CARMIL3: variants seen among roughly 807,000 people sequenced by gnomAD.
CARMIL3 encodes the protein capping protein regulator and myosin 1 linker 3.
In CARMIL3, 88 loss-of-function variants were observed where a neutral mutation model predicts 180.8. The ratio of observed to expected loss-of-function variants is 0.49; its 90% CI spans 0.41 to 0.58. The LOEUF (loss-of-function observed/expected upper bound fraction) is 0.58. CARMIL3 is among the 20% of genes least tolerant of loss of function. CARMIL3 has a pLI of 0.00. For synonymous variants in CARMIL3, 696 were observed against 714.5 expected (o/e 0.97, Z 0.41); for missense variants, 1,548 against 1,787.0 (o/e 0.87, Z 2.41).
Position 24,054,891 on chromosome 14 carries a change from T to A in CARMIL3, c.460+83T>A. The stretch of plus-strand genomic sequence containing the variant: ...AGCCCTTTGTGCACAGGGTGTTGCC[T>A]GGGCGGGCGGGCTTTGCCTGCCTGA... On this transcript the variant is annotated intron_variant, in intron 6 of 39. Transcript: ENST00000342740. The surrounding 1 kb of genome is among the most constrained non-coding windows in gnomAD (Gnocchi z 5.1). 1.4e-6 allele frequency: 2 copies of A among 1,480,862 alleles called. No individual in the cohort carries two copies. Among genetic ancestry groups the A allele is most frequent in the East Asian group, 2.3e-5 (1 of 43,586 alleles). 91.7% of individuals were successfully genotyped at this position (1,480,862 alleles called of 1,614,324 possible). A position where few individuals can be genotyped will look rare whatever the true frequency, so the allele number is the denominator to read the frequency against.
intron 10 of CARMIL3, 94 bp from the exon 11 acceptor site, chr14:24,056,205 C>CCCAG: frequency 9.5e-7 from 1 of 1,047,216 alleles, no homozygotes; most frequent in South Asian, 1.5e-5. Context: ...ACCATGCAGC[C>CCCAG]CCAGCCAGGC....
At position 24,065,637 on chromosome 14, in the gene CARMIL3, G is replaced by C. The variant is rs1395346469; in HGVS notation, c.3412G>C (p.Glu1138Gln). The change falls in exon 34 of 40, where the codon GAG (glutamate) becomes CAG (glutamine). Residue 1138 changes from glutamate (E) to glutamine (Q), a missense_variant. Glu to Gln is a conservative substitution (Grantham distance 29). This residue lies in a region of CARMIL3 where 668 missense variants were observed against 687.8 expected (regional missense o/e 0.97). Coordinates refer to ENST00000342740, the MANE Select transcript of CARMIL3 (RefSeq NM_138360.4). Reference protein sequence around the residue: ...FRRKMGTEGSEPGEGGPAPGT... With the variant: ...FRRKMGTEGSQPGEGGPAPGT... ...CTTGTTCTAGGGCACTGAGGGGTCAGAGCCAGGGGAGGGGGGCCCAGCCCC... is the reference window on the plus strand; with the variant it reads ...CTTGTTCTAGGGCACTGAGGGGTCACAGCCAGGGGAGGGGGGCCCAGCCCC... 15 of 1,613,004 alleles carry C rather than the reference G, an allele frequency of 9.3e-6. No individual in the cohort carries two copies. Among genetic ancestry groups the C allele is most frequent in the Non-Finnish European group, 1.3e-5 (15 of 1,179,474 alleles).
chr14:24,065,249 G>A lies in CARMIL3; in HGVS notation c.3372G>A (p.Arg1124=). The A allele has an allele frequency of 1.3e-6, 2 of 1,543,824 alleles. No individual in the cohort carries two copies. Among genetic ancestry groups the A allele is most frequent in the Non-Finnish European group, 1.7e-6 (2 of 1,153,144 alleles). Residue 1124 remains arginine (R), a synonymous_variant, in exon 33 of 40, where the codon CGG becomes CGA. Coordinates refer to ENST00000342740, the MANE Select transcript of CARMIL3 (RefSeq NM_138360.4). ...SSLLPGFGGG[R]GPSFRRKMGT... is the part of the protein sequence containing the mutation. ...TCCTCCCTGGATTTGGTGGGGGCCG[G>A]GGACCTTCCTTCCGCCGGAAGATGG...
rs191753126 is a variant in CARMIL3, at chr14:24,067,786, T to C, written c.3683-798T>C. Reference sequence around the variant, plus strand: ...ACAGATCCACATGCAGACAACACTTTCCAGTGTCAGAGCCACAGGCTCATG... The same window carrying C: ...ACAGATCCACATGCAGACAACACTTCCCAGTGTCAGAGCCACAGGCTCATG... On this transcript the variant is annotated intron_variant, in intron 36 of 39. Coordinates refer to ENST00000342740, the MANE Select transcript of CARMIL3 (RefSeq NM_138360.4). Among the ~76,000 whole-genome samples the C allele has an allele frequency of 2.8e-4, 42 of 152,388 alleles. No individual in the cohort carries two copies. The East Asian group carries it at 7.9e-3, about 29-fold the overall frequency.
Position 24,065,041 on chromosome 14 carries a change from T to G in CARMIL3, c.3164T>G (p.Leu1055Arg). ...PPLQKKRRRG[L>R]FHFRRPRSFK... ...CTCCAGAAGAAGAGGCGCCGGGGCC[T>G]GTTTCACTTTCGCCGGCCCCGGAGC... Residue 1055 changes from leucine to arginine, a missense_variant, in exon 33 of 40, where the codon CTG becomes CGG. Physicochemically the swap from Leu to Arg is moderately radical, Grantham distance 102. Coordinates refer to ENST00000342740, the MANE Select transcript of CARMIL3 (RefSeq NM_138360.4). 3.7e-6 allele frequency: 6 copies of G among 1,608,846 alleles called. No homozygotes were observed. The highest frequency in any genetic ancestry group is 5.1e-6 in the Non-Finnish European group (6 of 1,178,436).
At position 24,057,309 on chromosome 14, in the gene CARMIL3, C is replaced by T; in HGVS notation, c.1140+65C>T. ...GGGGAAGACCACAGTGGGCCTCGGT[C>T]TCACCCCCTATCCCTGAGTACACAG... On this transcript the variant is annotated intron_variant, in intron 14 of 39. Coordinates refer to ENST00000342740, the MANE Select transcript of CARMIL3 (RefSeq NM_138360.4). 3 of 1,445,758 alleles carry T rather than the reference C, an allele frequency of 2.1e-6. No homozygotes were observed. In the Middle Eastern group the frequency reaches 5.2e-4, roughly 250 times the overall value. 89.6% of individuals were successfully genotyped at this position (1,445,758 alleles called of 1,614,324 possible). A position where few individuals can be genotyped will look rare whatever the true frequency, so the allele number is the denominator to read the frequency against.
intron 14 of CARMIL3, among the ~76,000 whole-genome samples, chr14:24,057,563 C>T (rs1050059404): frequency 5.9e-5 from 9 of 152,186 alleles, no homozygotes; most frequent in Non-Finnish European, 1.2e-4. Flanking sequence ...TGGCTTTACA[C>T]ATCCACTGCC....
In CARMIL3 at chr14:24,057,886, G is replaced by A. The variant is rs2035688178; in HGVS notation, c.1217+7G>A. On this transcript the variant is annotated splice_region_variant and intron_variant, in intron 15 of 39. Transcript: ENST00000342740. ...GCAACAGCTGCTCCCACAGGTGGGA[G>A]AGGAGGGGGAAGGGAGGACAGGGCA... The A allele has an allele frequency of 1.2e-6, 2 of 1,612,900 alleles. No individual in the cohort carries two copies. The highest frequency in any genetic ancestry group is 1.1e-5 in the South Asian group (1 of 91,058).
rs553184802 is a variant in CARMIL3, at chr14:24,066,933, T to C, written c.3682+277T>C. ...GCTCTGGCGAATTCTCCAGGGCAGGTGCAGCCTCTGGTCACCATTGGCACA... is the reference window on the plus strand; with the variant it reads ...GCTCTGGCGAATTCTCCAGGGCAGGCGCAGCCTCTGGTCACCATTGGCACA... On this transcript the variant is annotated intron_variant, in intron 36 of 39. Coordinates refer to ENST00000342740, the MANE Select transcript of CARMIL3 (RefSeq NM_138360.4). 3.9e-5 allele frequency among the ~76,000 whole-genome samples: 6 copies of C among 152,326 alleles called. No homozygotes were observed. The East Asian group carries it at 1.2e-3, about 29-fold the overall frequency.
intron 36 of CARMIL3, among the ~76,000 whole-genome samples, chr14:24,068,161 G>A (rs1876019017): frequency 6.6e-6 from 1 of 152,256 alleles, no homozygotes; most frequent in Non-Finnish European, 1.5e-5. Flanking sequence ...CACTTTGGGA[G>A]ACCGAGGTAG....
Position 24,065,123 on chromosome 14 carries a change from C to A in CARMIL3, c.3246C>A (p.Pro1082=), listed in dbSNP as rs1438510288. 9 of 1,462,824 alleles carry A rather than the reference C, an allele frequency of 6.2e-6. No individual in the cohort carries two copies. Among genetic ancestry groups the A allele is most frequent in the East Asian group, 2.6e-5 (1 of 38,826 alleles). The allele number at this position is 1,462,824 out of a possible 1,614,324, so 90.6% of individuals were successfully genotyped here. ...CCACTGGACTCCTCCTCCCTCCACC[C>A]CCACCCCCTCCCCCGACTCAGGAGA... ...SPTTGLLLPP[P]PPPPPTQESP... The change falls in exon 33 of 40, where the codon CCC becomes CCA. Residue 1082 remains proline (P), a synonymous_variant. Coordinates refer to ENST00000342740, the MANE Select transcript of CARMIL3 (RefSeq NM_138360.4).
rs754912908 is a variant in CARMIL3, at chr14:24,062,729, A to G, written c.2589A>G (p.Leu863=). The G allele has an allele frequency of 6.2e-7, 1 of 1,611,742 alleles. No individual in the cohort carries two copies. The highest frequency in any genetic ancestry group is 8.5e-7 in the Non-Finnish European group (1 of 1,178,758). The change falls in exon 29 of 40, where the codon CTA becomes CTG. Residue 863 remains leucine, a synonymous_variant. Coordinates refer to ENST00000342740, the MANE Select transcript of CARMIL3 (RefSeq NM_138360.4). The stretch of plus-strand genomic sequence containing the variant: ...CCCAGGCCCGGCACCTGACCCAGCT[A>G]AGGACGCTGTCAGATCCACCAGGGT... ...HKSLARHLTQ[L]RTLSDPPGCP...
At chr14:24,066,529 C>T (rs751652425) in intron 35 of CARMIL3, 38 bp from the exon 36 acceptor site, 1 of 1,612,356 alleles carries the variant, frequency 6.2e-7, no homozygotes, top group Non-Finnish European at 8.5e-7. Flanking sequence ...TACCTTTTCC[C>T]TTTCTCCTCT....
intron 36 of CARMIL3, among the ~76,000 whole-genome samples, chr14:24,066,997 G>T (rs772187723): frequency 7.9e-5 from 12 of 152,192 alleles, no homozygotes; most frequent in Non-Finnish European, 1.2e-4. Context: ...TCTGCACCTT[G>T]CTGGGAAGAG....
intron 24 of CARMIL3, 33 bp downstream of exon 24, chr14:24,060,288 C>T (rs1203067413): frequency 6.2e-7 from 1 of 1,608,668 alleles, no homozygotes; most frequent in East Asian, 2.2e-5. Flanking sequence ...CGGGGCATAC[C>T]CGGGGCATGC....
chr14:24,052,146 C>G lies in CARMIL3; in HGVS notation c.-8C>G. ...TCCTCTGCAGCAGCCTCAGCAGCAGCGGCCGCCATGGCCAAGCCCAGCGTG... is the reference window on the plus strand; with the variant it reads ...TCCTCTGCAGCAGCCTCAGCAGCAGGGGCCGCCATGGCCAAGCCCAGCGTG... On this transcript the variant is annotated 5_prime_UTR_variant, in exon 1 of 40. Coordinates refer to ENST00000342740, the MANE Select transcript of CARMIL3 (RefSeq NM_138360.4). 6.3e-7 allele frequency: 1 copy of G among 1,577,764 alleles called. No individual in the cohort carries two copies. Among genetic ancestry groups the G allele is most frequent in the Non-Finnish European group, 8.6e-7 (1 of 1,167,684 alleles).
intron 1 of CARMIL3, among the ~76,000 whole-genome samples, chr14:24,052,514 AT>A (rs1167713786): frequency 2.0e-5 from 3 of 151,902 alleles, no homozygotes; most frequent in Non-Finnish European, 4.4e-5. Flanking sequence ...CCAGTCTCCC[AT>A]CCGGAGAGTC....
chr14:24,055,334 C>T (rs1452627763), intron 8 of CARMIL3, 24 bp downstream of exon 8: 8 of 1,612,934 alleles, frequency 5.0e-6, no homozygotes, highest in Admixed American at 1.7e-5. Context: ...GCAGAGACTC[C>T]ACCCTCAAAT....
rs748791609 is a variant in CARMIL3, at chr14:24,065,090, G to A, written c.3213G>A (p.Gly1071=). The A allele has an allele frequency of 2.5e-6, 4 of 1,579,860 alleles. No individual in the cohort carries two copies. Among genetic ancestry groups the A allele is most frequent in the Admixed American group, 3.7e-5 (2 of 54,264 alleles). The change falls in exon 33 of 40, where the codon GGG becomes GGA. Residue 1071 remains glycine (G), a synonymous_variant. Coordinates refer to ENST00000342740, the MANE Select transcript of CARMIL3 (RefSeq NM_138360.4). ...PRSFKGDRGP[G]SPTTGLLLPP... ...GCTTCAAGGGGGACAGGGGGCCGGG[G>A]TCCCCTACCACTGGACTCCTCCTCC...
Sources: allele counts gnomAD v4.1 joint callset (sites outside exome capture counted in the v4.1 genomes callset), GRCh38; gene constraint gnomAD v4.1.1; regional missense constraint gnomAD v4.1.1; non-coding constraint Gnocchi (gnomAD v3.1); transcripts MANE v1.5; gene names NCBI Gene and HGNC (gene_info 2026-07-23, HGNC 2026-07-21).